RMND5B: variants seen among roughly 807,000 people sequenced by gnomAD.
RMND5B encodes the protein E3 ubiquitin-protein transferase RMND5B.
A neutral mutation model predicts 50.4 loss-of-function variants in RMND5B; 42 were observed. The observed-to-expected ratio is 0.83, with a 90% CI of 0.65 to 1.08. The LOEUF (loss-of-function observed/expected upper bound fraction) is 1.08, where lower values mean the gene tolerates loss of function less well. Among genes scored for constraint, RMND5B ranks in the 50% least tolerant of loss-of-function variants. The pLI is 0.00. For missense variants in RMND5B, 463 were observed against 508.5 expected, an observed-to-expected ratio of 0.91 and a Z score of 0.86; for synonymous variants, 220 against 210.0, an observed-to-expected ratio of 1.05 and a Z score of -0.41.
intron 3 of RMND5B, chr5:178,141,648 A>G (rs1447381901): frequency 6.6e-6 from 1 of 152,214 alleles, no homozygotes; most frequent in Non-Finnish European, 1.5e-5. Context: ...CTGTCTACCA[A>G]AAATACAGGT....
Position 178,146,179 on chromosome 5 carries a change from C to G in RMND5B, c.760C>G (p.His254Asp). Residue 254 changes from histidine to aspartate, a missense_variant, in exon 8 of 11, where the codon CAC becomes GAC. His to Asp is a moderately conservative substitution (Grantham distance 81, BLOSUM62 -1). Coordinates refer to ENST00000313386, the MANE Select transcript of RMND5B (RefSeq NM_022762.5). Reference protein sequence around the residue: ...RLGLEKSPYCHLLDSSHWAEI... With the variant: ...RLGLEKSPYCDLLDSSHWAEI... ...GGGCTTGGAGAAGTCACCCTACTGC[C>G]ACCTGCTGGACAGCAGCCACTGGGC... The G allele has an allele frequency of 6.2e-7, 1 of 1,614,176 alleles. No homozygotes were observed. Among genetic ancestry groups the G allele is most frequent in the Non-Finnish European group, 8.5e-7 (1 of 1,180,020 alleles).
intron 8 of RMND5B, 61 bp downstream of exon 8, chr5:178,146,340 C>A: frequency 6.6e-7 from 1 of 1,515,304 alleles, no homozygotes; most frequent in Non-Finnish European, 9.0e-7. Flanking sequence ...TCATCATTTG[C>A]CAAGGCCCTG....
Position 178,148,232 on chromosome 5 carries a change from CA to C in RMND5B, c.*201del. 1.6e-6 allele frequency: 1 copy of C among 609,514 alleles called. No individual in the cohort carries two copies. Among genetic ancestry groups the C allele is most frequent in the Non-Finnish European group, 2.9e-6 (1 of 342,736 alleles). 37.8% of individuals were successfully genotyped at this position (609,514 alleles called of 1,614,324 possible). A position where few individuals can be genotyped will look rare whatever the true frequency, so the allele number is the denominator to read the frequency against. ...CCAGCCCACGCCTGGCACCTGGCTC[CA>C]TGGCATAAGGAAAGGGAGATGCTGG... On this transcript the variant is annotated 3_prime_UTR_variant, in exon 11 of 11. Coordinates refer to ENST00000313386, the MANE Select transcript of RMND5B (RefSeq NM_022762.5).
chr5:178,135,323 C>T (rs188932843), intron 2 of RMND5B: 131 of 197,668 alleles, frequency 6.6e-4, no homozygotes, highest in African/African-American at 3.0e-3. Context: ...GTAAATTTGC[C>T]GTGTTGCCCA....
Position 178,146,108 on chromosome 5 carries a change from T to C in RMND5B, c.695-6T>C. ...CCCTGAGCTGCCCCCTCTGGTTGCC[T>C]TGTAGAGATCCAGGTGATGATGGGC... is the stretch of plus-strand genomic sequence containing the variant. On this transcript the variant is annotated splice_region_variant and splice_polypyrimidine_tract_variant and intron_variant, in intron 7 of 10. Transcript: ENST00000313386. 1.2e-6 allele frequency: 2 copies of C among 1,613,916 alleles called. No homozygotes were observed. The highest frequency in any genetic ancestry group is 1.7e-6 in the Non-Finnish European group (2 of 1,179,924).
At chr5:178,135,952 G>A (rs1758600842) in intron 2 of RMND5B, 1 of 152,150 alleles carries the variant, frequency 6.6e-6, no homozygotes, top group African/African-American at 2.4e-5. Context: ...TTAATTTTCT[G>A]TTTCTCATCA....
At chr5:178,140,181 C>A (rs1758841867) in intron 3 of RMND5B, among the ~76,000 whole-genome samples, 1 of 151,956 alleles carries the variant, frequency 6.6e-6, no homozygotes, top group South Asian at 2.1e-4. Context: ...CTGTTGTTCA[C>A]TTTTATTTTG....
intron 3 of RMND5B, 97 bp from the exon 4 acceptor site, chr5:178,142,486 G>A (rs1758994589): frequency 7.2e-7 from 1 of 1,395,426 alleles, no homozygotes; most frequent in African/African-American, 1.4e-5. Flanking sequence ...CTGCCTCCTG[G>A]GCTACGGGGC....
intron 5 of RMND5B, among the ~76,000 whole-genome samples, chr5:178,143,386 A>G (rs907316443): frequency 6.6e-6 from 1 of 152,034 alleles, no homozygotes; most frequent in Non-Finnish European, 1.5e-5. Flanking sequence ...GACTGTCTCC[A>G]CTGCTACGGT....
At chr5:178,133,243 G>C (rs1342320172) in intron 2 of RMND5B, among the ~76,000 whole-genome samples, 1 of 152,114 alleles carries the variant, frequency 6.6e-6, no homozygotes, top group Non-Finnish European at 1.5e-5. Flanking sequence ...GGAGCCCCTT[G>C]TTTCAGGATG....
chr5:178,149,934 C>T lies in RMND5B; in HGVS notation c.*1902C>T. 1 of 1,341,308 alleles carries T rather than the reference C, an allele frequency of 7.5e-7. No homozygotes were observed. The highest frequency in any genetic ancestry group is 1.0e-6 in the Non-Finnish European group (1 of 955,904). The allele number at this position is 1,341,308 out of a possible 1,614,324, so 83.1% of individuals were successfully genotyped here. The stretch of plus-strand genomic sequence containing the variant: ...TGACCCACCAGCCTAATCTGGCCCA[C>T]AACCATGTTCTGTTCGGTCCATGTT... On this transcript the variant is annotated 3_prime_UTR_variant, in exon 11 of 11. Transcript: ENST00000313386.
intron 7 of RMND5B, among the ~76,000 whole-genome samples, chr5:178,144,835 G>GGGAA (rs1554098392): frequency 6.6e-6 from 1 of 151,902 alleles, no homozygotes; most frequent in Non-Finnish European, 1.5e-5. Flanking sequence ...TGGCAACATG[G>GGGAA]GGAACCCCTG....
At position 178,138,185 on chromosome 5, in the gene RMND5B, G is replaced by A; in HGVS notation, c.66G>A (p.Gly22=). Reference sequence around the variant, plus strand: ...TCCTGCAGAAGTTCCTGACCTACGGGCAGCACTGTGAGCGGAGCCTGGAGG... The same window carrying A: ...TCCTGCAGAAGTTCCTGACCTACGGACAGCACTGTGAGCGGAGCCTGGAGG... The part of the protein sequence containing the change: ...DKVLQKFLTY[G]QHCERSLEEL... Residue 22 remains glycine (G), a synonymous_variant, in exon 3 of 11, where the codon GGG becomes GGA. Transcript: ENST00000313386. The surrounding 1 kb of genome is among the most constrained non-coding windows in gnomAD (Gnocchi z 5.1). 6.2e-7 allele frequency: 1 copy of A among 1,613,920 alleles called. No individual in the cohort carries two copies. Among genetic ancestry groups the A allele is most frequent in the Non-Finnish European group, 8.5e-7 (1 of 1,179,938 alleles).
chr5:178,147,384 T>A, intron 8 of RMND5B, 149 bp from the exon 9 acceptor site: 1 of 628,836 alleles, frequency 1.6e-6, no homozygotes, highest in Non-Finnish European at 2.8e-6. Context: ...TGACATCTTA[T>A]GAACAATGTG....
intron 8 of RMND5B, chr5:178,146,656 T>A (rs1333006862): frequency 5.1e-6 from 1 of 196,646 alleles, no homozygotes; most frequent in Non-Finnish European, 1.1e-5. Flanking sequence ...TCAGGGGAGA[T>A]GTGAGTGGTT....
chr5:178,150,277 AT>A lies in RMND5B; in HGVS notation c.*2248del, dbSNP rs1756235206. ...TCTCATAGTCCACAGATAACTGACT[AT>A]TTGGTTCTTACCATCAGGCCAAACG... On this transcript the variant is annotated 3_prime_UTR_variant, in exon 11 of 11. Transcript: ENST00000313386. The A allele has an allele frequency of 4.5e-6, 1 of 221,048 alleles. No homozygotes were observed. 13.7% of individuals were successfully genotyped at this position (221,048 alleles called of 1,614,324 possible). A position where few individuals can be genotyped will look rare whatever the true frequency, so the allele number is the denominator to read the frequency against.
At chr5:178,139,545 A>T (rs1581117998) in intron 3 of RMND5B, among the ~76,000 whole-genome samples, 2 of 139,846 alleles carry the variant, frequency 1.4e-5, no homozygotes, top group South Asian at 2.3e-4. Context: ...TGTCCCAGGA[A>T]TTTTTTTTTT....
intron 7 of RMND5B, among the ~76,000 whole-genome samples, chr5:178,144,725 A>AC (rs1755892589): frequency 6.6e-6 from 1 of 151,148 alleles, no homozygotes; most frequent in Non-Finnish European, 1.5e-5. Flanking sequence ...TCTCAGAAAA[A>AC]AAAAAAAAGA....
rs746490144 is a variant in RMND5B, at chr5:178,147,553, C to T, written c.881C>T (p.Ala294Val). The change falls in exon 9 of 11, where the codon GCG (alanine) becomes GTG (valine). Residue 294 changes from alanine to valine, a missense_variant. By Grantham distance (64) the Ala-to-Val change is moderately conservative. Coordinates refer to ENST00000313386, the MANE Select transcript of RMND5B (RefSeq NM_022762.5). ...TGCAGCTTTGCCTCTGGCTGTGTGG[C>T]GCTGCCTGTGTTGATGAACATCAAG... ...LSVSFASGCV[A>V]LPVLMNIKAV... The T allele has an allele frequency of 1.1e-5, 17 of 1,613,838 alleles. No homozygotes were observed. Among genetic ancestry groups the T allele is most frequent in the African/African-American group, 6.7e-5 (5 of 74,894 alleles).
Sources: allele counts gnomAD v4.1 joint callset (sites outside exome capture counted in the v4.1 genomes callset), GRCh38; gene constraint gnomAD v4.1.1; non-coding constraint Gnocchi (gnomAD v3.1); transcripts MANE v1.5; gene names NCBI Gene and HGNC (gene_info 2026-07-23, HGNC 2026-07-21).